The following RAB33A variants were observed in gnomAD, a reference collection of about 807,000 sequenced individuals.
RAB33A encodes the protein ras-related protein Rab-33A.
A neutral mutation model predicts 12.0 loss-of-function variants in RAB33A; 6 were observed. The ratio of observed to expected loss-of-function variants is 0.50; its 90% confidence interval spans 0.27 to 0.99. The LOEUF (loss-of-function observed/expected upper bound fraction) is 0.99. Ranked by LOEUF, RAB33A falls within the 50% of genes least tolerant of loss-of-function variation. The pLI, the probability that RAB33A is intolerant of heterozygous loss-of-function variation, is 0.11. For missense variants in RAB33A, 109 were observed against 192.0 expected (o/e 0.57, Z 2.55); for synonymous variants, 70 against 82.4 (o/e 0.85, Z 0.81).
At chrX:130,122,272 C>T in the RAB33A span, among the ~76,000 whole-genome samples, 12 of 112,891 alleles carry the variant, frequency 1.1e-4, no homozygotes, top group Non-Finnish European at 5.6e-5. Context: ...TGCCTAAGGG[C>T]CTCAGGCCCA....
the RAB33A span, among the ~76,000 whole-genome samples, chrX:130,154,332 A>G: frequency 8.9e-6 from 1 of 112,348 alleles, no homozygotes; most frequent in East Asian, 2.8e-4. Context: ...CAACTCTGGT[A>G]CAGCAACACG....
At chrX:130,129,707 G>A in the RAB33A span, 1 of 950,940 alleles carries the variant, frequency 1.1e-6, no homozygotes, top group Admixed American at 2.2e-5. Flanking sequence ...GGGCTACCTG[G>A]GGCAGTCCCC....
the RAB33A span, among the ~76,000 whole-genome samples, chrX:130,140,087 G>A: frequency 8.9e-6 from 1 of 112,108 alleles, no homozygotes; most frequent in Non-Finnish European, 1.9e-5. Context: ...GTCTTCAAGG[G>A]GTACACCCTG....
chrX:130,160,883 A>AAAATAAATAAATAAATAAATAAAT, the RAB33A span, among the ~76,000 whole-genome samples: 1 of 107,055 alleles, frequency 9.3e-6, no homozygotes, highest in African/African-American at 3.5e-5. Flanking sequence ...TCTCTACTTA[A>AAAATAAATAAATAAATAAATAAAT]AAATAAATAA....
At chrX:130,162,023 A>G in the RAB33A span, among the ~76,000 whole-genome samples, 2 of 112,687 alleles carry the variant, frequency 1.8e-5, no homozygotes, top group African/African-American at 6.4e-5. Context: ...AGGAAAAATT[A>G]TTTAGATAAC....
intron 1 of RAB33A, among the ~76,000 whole-genome samples, chrX:130,182,840 A>G (rs960832612): frequency 8.9e-6 from 1 of 112,122 alleles, no homozygotes; most frequent in Non-Finnish European, 1.9e-5. Context: ...TTCTCTTACA[A>G]TTTAGTCTTT....
chrX:130,175,824 G>T (rs1318746211), intron 1 of RAB33A, among the ~76,000 whole-genome samples: 4 of 111,512 alleles, frequency 3.6e-5, no homozygotes, highest in Non-Finnish European at 7.5e-5. Flanking sequence ...CAACTCAGGT[G>T]TGAGATGCAG....
At chrX:130,146,943 TG>T in the RAB33A span, among the ~76,000 whole-genome samples, 11 of 112,107 alleles carry the variant, frequency 9.8e-5, no homozygotes, top group Non-Finnish European at 2.1e-4. Flanking sequence ...AGGCGGATCA[TG>T]AGGTCAGGAG....
the RAB33A span, among the ~76,000 whole-genome samples, chrX:130,158,593 T>G: frequency 2.7e-5 from 3 of 109,207 alleles, no homozygotes; most frequent in Non-Finnish European, 5.7e-5. Flanking sequence ...GAGAACCATC[T>G]GTCTAGAGCA....
At chrX:130,159,272 T>A in the RAB33A span, among the ~76,000 whole-genome samples, 11 of 112,442 alleles carry the variant, frequency 9.8e-5, no homozygotes, top group African/African-American at 3.6e-4. Context: ...AGACTTTAGA[T>A]CTACACTCTT....
the RAB33A span, chrX:130,155,433 G>A: frequency 3.2e-6 from 2 of 620,469 alleles, no homozygotes; most frequent in South Asian, 5.4e-5. Flanking sequence ...CTCCAGGATT[G>A]CAGAATGTGT....
the RAB33A span, chrX:130,137,215 A>T: frequency 8.3e-7 from 1 of 1,210,277 alleles, no homozygotes; most frequent in Non-Finnish European, 1.1e-6. Context: ...TAGTTACAGC[A>T]GGAAGCAAAA....
chrX:130,143,285 G>C, the RAB33A span, among the ~76,000 whole-genome samples: 1 of 112,025 alleles, frequency 8.9e-6, no homozygotes, highest in South Asian at 3.7e-4. Context: ...CAACTGCCCA[G>C]AAGACACCTT....
the RAB33A span, chrX:130,165,984 TGGCACAGTGTTGGACTG>T: frequency 3.1e-6 from 1 of 326,738 alleles, no homozygotes; most frequent in Non-Finnish European, 5.6e-6. Flanking sequence ...CGCGAGTTTG[TGGCACAGTGTTGGACTG>T]AACGAGTTAA....
the RAB33A span, among the ~76,000 whole-genome samples, chrX:130,152,340 C>G: frequency 9.0e-6 from 1 of 110,609 alleles, no homozygotes; most frequent in Non-Finnish European, 1.9e-5. Context: ...AGAATGAGGT[C>G]GATCTGTCTG....
the RAB33A span, among the ~76,000 whole-genome samples, chrX:130,115,146 C>A: frequency 1.5e-5 from 1 of 66,377 alleles, no homozygotes; most frequent in Non-Finnish European, 2.7e-5. Flanking sequence ...CCCATGTTTT[C>A]CTGCAAATCA....
At chrX:130,110,915 A>G in the RAB33A span, among the ~76,000 whole-genome samples, 3 of 81,715 alleles carry the variant, frequency 3.7e-5, no homozygotes, top group Admixed American at 1.4e-4. Flanking sequence ...ACGTCCCCGC[A>G]GGCGGCGGAT....
the RAB33A span, among the ~76,000 whole-genome samples, chrX:130,117,008 T>A: frequency 8.9e-6 from 1 of 111,825 alleles, no homozygotes; most frequent in East Asian, 2.8e-4. Flanking sequence ...GGTCAGGAGA[T>A]CGAGACCATC....
At chrX:130,129,867 A>C in the RAB33A span, 27 of 1,017,503 alleles carry the variant, frequency 2.7e-5, no homozygotes, top group Non-Finnish European at 3.6e-5. Context: ...GCACAATTTG[A>C]CCTGGCCGGG....
Sources: allele counts gnomAD v4.1 joint callset (sites outside exome capture counted in the v4.1 genomes callset), GRCh38; gene constraint gnomAD v4.1.1; transcripts MANE v1.5; gene names NCBI Gene and HGNC (gene_info 2026-07-23, HGNC 2026-07-21).